Variants in ELP1 observed in about 807,000 individuals in gnomAD.
The protein encoded by ELP1 is elongator complex protein 1.
Under a neutral mutation model 183.2 loss-of-function variants are expected in ELP1, and 131 were observed. The ratio of observed to expected loss-of-function variants is 0.72; its 90% CI spans 0.62 to 0.83. ELP1 has a LOEUF of 0.83. ELP1 is among the 40% of genes least tolerant of loss of function. ELP1 has a pLI of 0.00. For missense variants in ELP1, 1,550 were observed against 1,594.9 expected (o/e 0.97, Z 0.48); for synonymous variants, 555 against 569.0 (o/e 0.98, Z 0.35).
At chr9:108,899,321 A>G (rs1304558704) in intron 20 of ELP1, among the ~76,000 whole-genome samples, 1 of 151,892 alleles carries the variant, frequency 6.6e-6, no homozygotes, top group Non-Finnish European at 1.5e-5. Flanking sequence ...AAAGAAAATC[A>G]TCATGGAATT....
At chr9:108,890,185 T>C (rs1237525639) in intron 28 of ELP1, among the ~76,000 whole-genome samples, 1 of 152,054 alleles carries the variant, frequency 6.6e-6, no homozygotes. Flanking sequence ...AAAGGAACAA[T>C]GGAGACCGAA....
intron 25 of ELP1, among the ~76,000 whole-genome samples, chr9:108,896,092 C>A (rs1002472116): frequency 3.3e-5 from 5 of 152,068 alleles, no homozygotes; most frequent in Non-Finnish European, 7.4e-5. Flanking sequence ...CCTGTCTCTA[C>A]TAAAAATACA....
chr9:108,874,603 G>A (rs572459285), intron 36 of ELP1, among the ~76,000 whole-genome samples: 1 of 152,326 alleles, frequency 6.6e-6, no homozygotes, highest in African/African-American at 2.4e-5. Context: ...AGTTTAGACT[G>A]AAACTGGAAC....
chr9:108,898,620 A>T, intron 21 of ELP1, 39 bp from the exon 22 acceptor site: 1 of 1,600,942 alleles, frequency 6.2e-7, no homozygotes, highest in Non-Finnish European at 8.6e-7. Flanking sequence ...TTCAGATCAT[A>T]TTAGTTTAAG....
chr9:108,888,379 T>G (rs1300937348), intron 29 of ELP1, among the ~76,000 whole-genome samples: 2 of 152,250 alleles, frequency 1.3e-5, no homozygotes, highest in Non-Finnish European at 2.9e-5. Context: ...CATCTAAAAT[T>G]GGTGAATTAG....
rs1393160594 is a variant in ELP1 at position 108,868,030 on chromosome 9, A to G, written c.*1085T>C. On this transcript the variant is annotated 3_prime_UTR_variant, in exon 37 of 37. Transcript: ENST00000374647. ...GCCCAATGGGAGGTGTTTTGGTCAC[A>G]GGGGCAGATCCTACGTGAATCGCTT... The G allele has an allele frequency of 6.6e-6, 1 of 152,230 alleles. No individual in the cohort carries two copies. The allele number at this position is 152,230 out of a possible 1,614,324, so 9.4% of individuals were successfully genotyped here. A position where few individuals can be genotyped will look rare whatever the true frequency, so the allele number is the denominator to read the frequency against.
At chr9:108,896,668 CAG>C in intron 24 of ELP1, 24 bp from the exon 25 acceptor site, 1 of 1,612,158 alleles carries the variant, frequency 6.2e-7, no homozygotes, top group Non-Finnish European at 8.5e-7. Flanking sequence ...GAAAACAAAA[CAG>C]AACACAATCA....
At chr9:108,887,933 T>G (rs376220486) in intron 29 of ELP1, among the ~76,000 whole-genome samples, 3 of 152,228 alleles carry the variant, frequency 2.0e-5, no homozygotes, top group African/African-American at 7.2e-5. Flanking sequence ...CCACGGGATG[T>G]GGCATTCCTA....
chr9:108,925,526 T>C (rs10979614), intron 5 of ELP1, among the ~76,000 whole-genome samples: 59,677 of 151,504 alleles, frequency 0.39, 12,193 homozygotes, highest in Admixed American at 0.49. Flanking sequence ...ACCTGCCCAA[T>C]ACCAATTCAG....
chr9:108,908,538 T>TA, intron 12 of ELP1, 134 bp from the exon 13 acceptor site: 1 of 714,472 alleles, frequency 1.4e-6, no homozygotes, highest in Non-Finnish European at 2.5e-6. Context: ...TCAACCTCCT[T>TA]AAAATTTCTG....
intron 3 of ELP1, among the ~76,000 whole-genome samples, chr9:108,928,222 A>C (rs1185699143): frequency 6.6e-6 from 1 of 152,174 alleles, no homozygotes; most frequent in Non-Finnish European, 1.5e-5. Flanking sequence ...TTACTCAACA[A>C]ACATTTCTTC....
intron 36 of ELP1, among the ~76,000 whole-genome samples, chr9:108,872,395 G>A (rs889778826): frequency 6.6e-6 from 1 of 151,930 alleles, no homozygotes; most frequent in Non-Finnish European, 1.5e-5. Flanking sequence ...TCCACTAAAT[G>A]GTGCCATAAA....
Position 108,911,072 on chromosome 9 carries a change from G to A in ELP1, c.1298C>T (p.Pro433Leu). Residue 433 changes from proline (P) to leucine (L), a missense_variant, in exon 12 of 37, where the codon CCT (proline) becomes CTT (leucine). Pro to Leu is a moderately conservative substitution (Grantham distance 98). Transcript: ENST00000374647. ...PVNQVTFLAH[P>L]QKSNDLAVLD... is the part of the protein sequence containing the mutation. The stretch of plus-strand genomic sequence containing the variant: ...AACAGCAAGGTCATTACTCTTTTGA[G>A]GGTGTGCTAAGAATGTGACTTGATT... The A allele has an allele frequency of 6.2e-7, 1 of 1,614,080 alleles. No individual in the cohort carries two copies. The highest frequency in any genetic ancestry group is 8.5e-7 in the Non-Finnish European group (1 of 1,179,968).
chr9:108,881,633 G>A, intron 31 of ELP1, 72 bp downstream of exon 31: 1 of 910,752 alleles, frequency 1.1e-6, no homozygotes, highest in Non-Finnish European at 1.8e-6. Flanking sequence ...CAGTAAATAG[G>A]AGGAGACTCT....
chr9:108,922,119 G>A (rs1829668314), intron 6 of ELP1, among the ~76,000 whole-genome samples: 1 of 152,144 alleles, frequency 6.6e-6, no homozygotes, highest in Non-Finnish European at 1.5e-5. Flanking sequence ...GTGTGCCAGA[G>A]GGTAAATATG....
intron 2 of ELP1, among the ~76,000 whole-genome samples, chr9:108,930,551 G>A (rs1209330393): frequency 2.6e-5 from 4 of 152,054 alleles, no homozygotes; most frequent in Non-Finnish European, 4.4e-5. Context: ...TTAGCCGGGC[G>A]CGGTGGCGGG....
intron 25 of ELP1, among the ~76,000 whole-genome samples, chr9:108,895,072 C>T (rs1290636047): frequency 6.6e-6 from 1 of 152,120 alleles, no homozygotes; most frequent in Non-Finnish European, 1.5e-5. Flanking sequence ...CATGGCGAAA[C>T]CCCGTCTCAA....
intron 35 of ELP1, 143 bp from the exon 36 acceptor site, chr9:108,875,113 T>C: frequency 1.5e-6 from 1 of 672,260 alleles, no homozygotes; most frequent in South Asian, 1.6e-5. Flanking sequence ...TCTTTCCCAA[T>C]GTGATTTTAA....
chr9:108,912,220 C>G (rs764774208), intron 11 of ELP1, 44 bp downstream of exon 11: 1 of 1,462,768 alleles, frequency 6.8e-7, no homozygotes, highest in Non-Finnish European at 9.6e-7. Context: ...GCCCTAGGCT[C>G]AGGACCCCTT....
Sources: allele counts gnomAD v4.1 joint callset (sites outside exome capture counted in the v4.1 genomes callset), GRCh38; gene constraint gnomAD v4.1.1; transcripts MANE v1.5; gene names NCBI Gene and HGNC (gene_info 2026-07-23, HGNC 2026-07-21).